Variants in THSD7A observed in about 807,000 individuals in gnomAD.
THSD7A encodes the protein thrombospondin type-1 domain-containing protein 7A.
Under a neutral mutation model 231.3 loss-of-function variants are expected in THSD7A, and 96 were observed. The observed-to-expected ratio is 0.41, with a 90% confidence interval of 0.35 to 0.49. The LOEUF (loss-of-function observed/expected upper bound fraction) is 0.49, where lower values mean the gene tolerates loss of function less well. Ranked by LOEUF, THSD7A falls within the 20% of genes least tolerant of loss-of-function variation. The probability of loss-of-function intolerance (pLI) is 0.05; values close to 1 mark genes in which losing one functional copy is unlikely to be tolerated. For synonymous variants in THSD7A, 940 were observed against 743.3 expected (o/e 1.26, Z -4.30); for missense variants, 2,290 against 2,070.2 (o/e 1.11, Z -2.06).
At chr7:11,429,265 G>T in intron 13 of THSD7A, 140 bp from the exon 14 acceptor site, 1 of 731,208 alleles carries the variant, frequency 1.4e-6, no homozygotes, top group Non-Finnish European at 2.1e-6. Context: ...TGTTGTAAGG[G>T]ACTTGAATTA....
At chr7:11,804,938 T>A (rs1174408344) in intron 1 of THSD7A, among the ~76,000 whole-genome samples, 1 of 152,156 alleles carries the variant, frequency 6.6e-6, no homozygotes, top group Non-Finnish European at 1.5e-5. Context: ...GTAATGGATA[T>A]TTTTCCTCGT....
At chr7:11,504,963 G>A (rs1021238363) in intron 6 of THSD7A, among the ~76,000 whole-genome samples, 1 of 152,026 alleles carries the variant, frequency 6.6e-6, no homozygotes, top group Non-Finnish European at 1.5e-5. Context: ...TAACTGCTAA[G>A]GTATGTAATA....
chr7:11,588,762 C>A (rs1428550996), intron 4 of THSD7A, among the ~76,000 whole-genome samples: 1 of 152,140 alleles, frequency 6.6e-6, no homozygotes, highest in African/African-American at 2.4e-5. Flanking sequence ...AATTATACTA[C>A]CCTGGAAAGA....
chr7:11,801,837 C>T (rs1784286003), intron 1 of THSD7A, among the ~76,000 whole-genome samples: 1 of 152,030 alleles, frequency 6.6e-6, no homozygotes, highest in African/African-American at 2.4e-5. Flanking sequence ...GCAAAGCTTA[C>T]CACAAAATTA....
At chr7:11,745,924 G>T (rs1222798471) in intron 1 of THSD7A, among the ~76,000 whole-genome samples, 1 of 152,020 alleles carries the variant, frequency 6.6e-6, no homozygotes, top group Non-Finnish European at 1.5e-5. Context: ...ACTTGGCAAT[G>T]CAGGCTCTTT....
chr7:11,500,743 T>C (rs1343901654), intron 6 of THSD7A, among the ~76,000 whole-genome samples: 2 of 152,088 alleles, frequency 1.3e-5, no homozygotes, highest in Admixed American at 1.3e-4. Flanking sequence ...AAGATCAGCC[T>C]GGCCAAGATG....
chr7:11,504,126 G>C (rs568942005), intron 6 of THSD7A, among the ~76,000 whole-genome samples: 8 of 152,280 alleles, frequency 5.3e-5, no homozygotes, highest in Admixed American at 5.2e-4. Context: ...ATATTATGCA[G>C]CCATAAAAAA....
chr7:11,821,485 C>A (rs954676471), intron 1 of THSD7A, among the ~76,000 whole-genome samples: 14 of 151,006 alleles, frequency 9.3e-5, no homozygotes, highest in African/African-American at 2.9e-4. Flanking sequence ...AAAGAGAAAA[C>A]AGAACATGTA....
intron 1 of THSD7A, among the ~76,000 whole-genome samples, chr7:11,776,381 G>A (rs1242547936): frequency 2.0e-5 from 3 of 152,128 alleles, no homozygotes; most frequent in Non-Finnish European, 4.4e-5. Flanking sequence ...ATGCCTGCAA[G>A]GAAAATGTTG....
intron 1 of THSD7A, among the ~76,000 whole-genome samples, chr7:11,711,135 G>A (rs966336732): frequency 2.0e-5 from 3 of 150,904 alleles, no homozygotes; most frequent in African/African-American, 7.3e-5. Flanking sequence ...GAAAGTTGAA[G>A]TAATATAAAT....
chr7:11,494,382 C>G (rs1382480978), intron 6 of THSD7A, among the ~76,000 whole-genome samples: 1 of 151,952 alleles, frequency 6.6e-6, no homozygotes, highest in Non-Finnish European at 1.5e-5. Context: ...AAAACAAGGA[C>G]CACAAAAATC....
chr7:11,757,392 A>C (rs1782718201), intron 1 of THSD7A, among the ~76,000 whole-genome samples: 1 of 152,062 alleles, frequency 6.6e-6, no homozygotes, highest in Non-Finnish European at 1.5e-5. Flanking sequence ...TAGCAATGCT[A>C]CATACTTTCA....
At chr7:11,472,034 T>C (rs908425416) in intron 8 of THSD7A, among the ~76,000 whole-genome samples, 5 of 152,130 alleles carry the variant, frequency 3.3e-5, no homozygotes, top group South Asian at 4.1e-4. Flanking sequence ...AGTTGAGAAA[T>C]AGTCACAGCA....
chr7:11,828,667 T>C (rs1443951869), intron 1 of THSD7A, among the ~76,000 whole-genome samples: 1 of 152,320 alleles, frequency 6.6e-6, no homozygotes, highest in South Asian at 2.1e-4. Context: ...CCACAGTGGT[T>C]ACATATTTTA....
intron 16 of THSD7A, among the ~76,000 whole-genome samples, chr7:11,420,799 G>C (rs192242852): frequency 6.6e-6 from 1 of 152,158 alleles, no homozygotes; most frequent in Non-Finnish European, 1.5e-5. Context: ...CACAGGGGTC[G>C]AGCTGCCCAA....
chr7:11,701,482 CA>C (rs1217419544), intron 1 of THSD7A, among the ~76,000 whole-genome samples: 1 of 150,994 alleles, frequency 6.6e-6, no homozygotes, highest in Non-Finnish European at 1.5e-5. Context: ...AAAGAATATT[CA>C]AAAATAGAAA....
rs147595153 is a variant in THSD7A at position 11,755,859 on chromosome 7, C to A, written c.190+75898G>T. ...TTCACTTAAATAATTTAAAATAAAG[C>A]CAAAAGGAATTAATGTGTAATTTTG... On this transcript the variant is annotated intron_variant, in intron 1 of 27. Transcript: ENST00000423059. Among the ~76,000 whole-genome samples, 1,501 of 151,862 alleles carry A rather than the reference C, an allele frequency of 9.9e-3. 19 individuals carry two copies. Among genetic ancestry groups the A allele is most frequent in the African/African-American group, 0.034 (1,399 of 41,410 alleles).
intron 6 of THSD7A, among the ~76,000 whole-genome samples, chr7:11,492,771 T>G (rs143382320): frequency 6.6e-6 from 1 of 152,204 alleles, no homozygotes; most frequent in African/African-American, 2.4e-5. Flanking sequence ...GAATTAATCA[T>G]CACCATTAAA....
At chr7:11,760,778 T>G (rs1256470808) in intron 1 of THSD7A, among the ~76,000 whole-genome samples, 3 of 151,976 alleles carry the variant, frequency 2.0e-5, no homozygotes, top group Non-Finnish European at 4.4e-5. Flanking sequence ...TACTTTTAAC[T>G]GAAAATAATT....
Sources: allele counts gnomAD v4.1 joint callset (sites outside exome capture counted in the v4.1 genomes callset), GRCh38; gene constraint gnomAD v4.1.1; transcripts MANE v1.5; gene names NCBI Gene and HGNC (gene_info 2026-07-23, HGNC 2026-07-21).